TRDN: variants seen among roughly 807,000 people sequenced by gnomAD.
TRDN encodes triadin in skeletal muscle.
A neutral mutation model predicts 149.7 loss-of-function variants in TRDN; 161 were observed. That is an observed-to-expected ratio of 1.08 (90% CI 0.95 to 1.23). The LOEUF (loss-of-function observed/expected upper bound fraction) is 1.23, where lower values mean the gene tolerates loss of function less well. TRDN is among the 50% of genes most tolerant of loss of function. The pLI is 0.00. For missense variants in TRDN, 896 were observed against 823.5 expected, an observed-to-expected ratio of 1.09 and a Z score of -1.08; for synonymous variants, 294 against 250.5, an observed-to-expected ratio of 1.17 and a Z score of -1.64.
chr6:123,360,722 A>AGAGAAAGAGAGAGAGAGAGACG (rs760119975), intron 20 of TRDN, among the ~76,000 whole-genome samples: 10 of 100,306 alleles, frequency 1.0e-4, no homozygotes, highest in Non-Finnish European at 1.6e-4. Flanking sequence ...AGAGAGACGG[A>AGAGAAAGAGAGAGAGAGAGACG]GAGAGAGAGA....
chr6:123,238,120 A>G (rs1775855491), intron 38 of TRDN, among the ~76,000 whole-genome samples: 1 of 152,214 alleles, frequency 6.6e-6, no homozygotes, highest in Admixed American at 6.5e-5. Flanking sequence ...TTCTACTAAC[A>G]GAACTCTACC....
At chr6:123,231,831 G>T (rs1013618311) in intron 38 of TRDN, among the ~76,000 whole-genome samples, 2 of 151,944 alleles carry the variant, frequency 1.3e-5, no homozygotes, top group African/African-American at 4.8e-5. Context: ...AAGTAATACT[G>T]ATTGGTCAAA....
chr6:123,221,440 C>A, intron 40 of TRDN, 47 bp downstream of exon 40: 1 of 1,395,952 alleles, frequency 7.2e-7, no homozygotes, highest in East Asian at 2.5e-5. Flanking sequence ...GATGTAGCAT[C>A]TTTAATACAG....
intron 38 of TRDN, among the ~76,000 whole-genome samples, chr6:123,242,781 C>T (rs1469240613): frequency 2.0e-5 from 3 of 152,022 alleles, no homozygotes; most frequent in East Asian, 1.9e-4. Flanking sequence ...CAGGGCCCCA[C>T]ATTTCAGCCA....
At chr6:123,633,600 G>A (rs1786128158) in intron 1 of TRDN, among the ~76,000 whole-genome samples, 1 of 151,980 alleles carries the variant, frequency 6.6e-6, no homozygotes, top group Non-Finnish European at 1.5e-5. Flanking sequence ...GAATAAATAT[G>A]TTATCATTGC....
intron 5 of TRDN, among the ~76,000 whole-genome samples, chr6:123,516,842 C>T (rs1371235455): frequency 6.6e-6 from 1 of 152,090 alleles, no homozygotes; most frequent in Non-Finnish European, 1.5e-5. Context: ...ATGCTAGAAA[C>T]ATGAGACTCA....
rs769258489 is a variant in TRDN, at chr6:123,273,367, AAAT to A, written c.1598-7_1598-5del. On this transcript the variant is annotated splice_region_variant and splice_polypyrimidine_tract_variant and intron_variant, in intron 27 of 40. Coordinates refer to ENST00000334268, the MANE Select transcript of TRDN (RefSeq NM_006073.4). ...ATTTGCACTTTTTCAGATATAGCTA[AAAT>A]AAATAAATAACATATTAGATTAAAT... 112 of 964,548 alleles carry A rather than the reference AAAT, an allele frequency of 1.2e-4. No homozygotes were observed. Among genetic ancestry groups the A allele is most frequent in the Non-Finnish European group, 1.4e-4 (96 of 706,740 alleles). 59.7% of individuals were successfully genotyped at this position (964,548 alleles called of 1,614,324 possible). A position where few individuals can be genotyped will look rare whatever the true frequency, so the allele number is the denominator to read the frequency against.
At chr6:123,358,561 T>A (rs1211341680) in intron 20 of TRDN, among the ~76,000 whole-genome samples, 1 of 151,902 alleles carries the variant, frequency 6.6e-6, no homozygotes, top group African/African-American at 2.4e-5. Flanking sequence ...GCCTTCTGGG[T>A]TCAAGCGATT....
intron 40 of TRDN, among the ~76,000 whole-genome samples, chr6:123,220,752 G>C (rs1221364003): frequency 1.3e-5 from 2 of 151,738 alleles, no homozygotes; most frequent in Admixed American, 6.6e-5. Flanking sequence ...GGAGAATCAA[G>C]AGACGTCATT....
intron 5 of TRDN, among the ~76,000 whole-genome samples, chr6:123,528,296 G>A (rs1438897053): frequency 6.8e-6 from 1 of 147,684 alleles, no homozygotes; most frequent in Non-Finnish European, 1.5e-5. Flanking sequence ...CCTTCTTGAT[G>A]GGTCAATTAT....
intron 19 of TRDN, among the ~76,000 whole-genome samples, chr6:123,370,258 T>C (rs1781273131): frequency 6.6e-6 from 1 of 152,178 alleles, no homozygotes; most frequent in South Asian, 2.1e-4. Flanking sequence ...TATTTCCTTA[T>C]TTTTCTATAT....
chr6:123,346,799 T>G (rs754458233), intron 21 of TRDN, among the ~76,000 whole-genome samples: 4 of 151,950 alleles, frequency 2.6e-5, no homozygotes, highest in African/African-American at 4.8e-5. Flanking sequence ...CGAACTGTGT[T>G]GTGATGCAAC....
At chr6:123,383,947 G>C (rs1035360588) in intron 14 of TRDN, among the ~76,000 whole-genome samples, 7 of 152,024 alleles carry the variant, frequency 4.6e-5, no homozygotes, top group African/African-American at 1.7e-4. Flanking sequence ...GTTGTGTCCA[G>C]CACACTACAA....
intron 1 of TRDN, among the ~76,000 whole-genome samples, chr6:123,610,478 A>C (rs1191989938): frequency 1.3e-5 from 2 of 152,044 alleles, no homozygotes; most frequent in East Asian, 3.9e-4. Context: ...TGTACCAAGC[A>C]CTCTGCCAGG....
chr6:123,608,729 A>T (rs1784640316), intron 1 of TRDN, among the ~76,000 whole-genome samples: 1 of 152,232 alleles, frequency 6.6e-6, no homozygotes, highest in African/African-American at 2.4e-5. Flanking sequence ...TATGGTTGTT[A>T]AAACTGGGAT....
chr6:123,420,486 T>C (rs1773852680), intron 12 of TRDN, among the ~76,000 whole-genome samples: 2 of 152,182 alleles, frequency 1.3e-5, no homozygotes, highest in South Asian at 4.1e-4. Context: ...ATAGGTTTTA[T>C]CTGCAATGTG....
intron 8 of TRDN, among the ~76,000 whole-genome samples, chr6:123,500,962 G>A (rs527422274): frequency 6.6e-6 from 1 of 152,144 alleles, no homozygotes; most frequent in Non-Finnish European, 1.5e-5. Context: ...ACCTCCTAGA[G>A]GTCATCAGAA....
chr6:123,287,246 A>T (rs774764141), intron 24 of TRDN, among the ~76,000 whole-genome samples: 1 of 152,130 alleles, frequency 6.6e-6, no homozygotes, highest in Admixed American at 6.6e-5. Flanking sequence ...CACATATCCA[A>T]ATATATTAAT....
intron 19 of TRDN, among the ~76,000 whole-genome samples, chr6:123,367,317 T>C (rs1364527992): frequency 6.6e-6 from 1 of 152,204 alleles, no homozygotes; most frequent in Non-Finnish European, 1.5e-5. Flanking sequence ...TTCTTATTTT[T>C]ATTCTTATTG....
Sources: allele counts gnomAD v4.1 joint callset (sites outside exome capture counted in the v4.1 genomes callset), GRCh38; gene constraint gnomAD v4.1.1; transcripts MANE v1.5; gene names NCBI Gene and HGNC (gene_info 2026-07-23, HGNC 2026-07-21).